The following KIAA0586 variants were observed in gnomAD, a reference collection of about 807,000 sequenced individuals.
KIAA0586 encodes KIAA0586.
A neutral mutation model predicts 169.8 loss-of-function variants in KIAA0586; 144 were observed. The ratio of observed to expected loss-of-function variants is 0.85; its 90% confidence interval spans 0.74 to 0.97. The LOEUF (loss-of-function observed/expected upper bound fraction) is 0.97. Among genes scored for constraint, KIAA0586 ranks in the 50% least tolerant of loss-of-function variants. The pLI is 0.00. For missense variants in KIAA0586, 1,854 were observed against 1,823.0 expected (o/e 1.02, Z -0.31); for synonymous variants, 625 against 612.4 (o/e 1.02, Z -0.30).
intron 9 of KIAA0586, among the ~76,000 whole-genome samples, chr14:58,454,048 A>G (rs1441235006): frequency 2.6e-5 from 4 of 152,196 alleles, no homozygotes; most frequent in African/African-American, 9.6e-5. Flanking sequence ...ATTACTGATA[A>G]GGTAGGATTT....
At position 58,430,663 on chromosome 14, in the gene KIAA0586, G is replaced by A. The variant is rs189943424; in HGVS notation, c.286G>A (p.Val96Ile). The A allele has an allele frequency of 5.0e-6, 8 of 1,597,940 alleles. No homozygotes were observed. In the East Asian group the frequency reaches 6.7e-5, roughly 13 times the overall value. The change falls in exon 3 of 31, where the codon GTT (valine) becomes ATT (isoleucine). Residue 96 changes from valine (V) to isoleucine (I), a missense_variant. Val to Ile is a conservative substitution (Grantham distance 29, BLOSUM62 3). Transcript: ENST00000652326. ...MVSESDFSKDVAVQVLPLDKI... is the reference protein window; with the variant it reads ...MVSESDFSKDIAVQVLPLDKI... ...TATCCCAAAGGATTTTTCTAAAGAC[G>A]TTGCAGTGCAAGTGTTGCCTTTGGA...
At chr14:58,457,723 G>A (rs2039988592) in intron 10 of KIAA0586, 36 bp from the exon 11 acceptor site, 1 of 1,336,552 alleles carries the variant, frequency 7.5e-7, no homozygotes, top group African/African-American at 1.5e-5. Context: ...GAATCGTTGT[G>A]AGTTTAGTAA....
At chr14:58,501,772 C>G (rs1252970227) in intron 27 of KIAA0586, among the ~76,000 whole-genome samples, 1 of 152,076 alleles carries the variant, frequency 6.6e-6, no homozygotes, top group African/African-American at 2.4e-5. Flanking sequence ...TTCCTGAACC[C>G]AAATTTCTTT....
chr14:58,440,877 G>C (rs919553854), intron 4 of KIAA0586: 3 of 152,594 alleles, frequency 2.0e-5, no homozygotes, highest in Non-Finnish European at 4.4e-5. Flanking sequence ...AGGTCAAAAG[G>C]TATAATTTCT....
chr14:58,519,364 A>G (rs376484998), intron 29 of KIAA0586, among the ~76,000 whole-genome samples: 3 of 152,066 alleles, frequency 2.0e-5, no homozygotes, highest in East Asian at 1.9e-4. Context: ...CCCAGCTTCC[A>G]TGTAGCTAGG....
At chr14:58,491,780 G>A (rs1402494641) in intron 25 of KIAA0586, among the ~76,000 whole-genome samples, 2 of 152,220 alleles carry the variant, frequency 1.3e-5, no homozygotes, top group South Asian at 2.1e-4. Flanking sequence ...CCACACTGTG[G>A]CATTACTTTA....
rs538248668 is a variant in KIAA0586 at position 58,487,027 on chromosome 14, G to A, written c.3165G>A (p.Leu1055=). The A allele has an allele frequency of 3.1e-4, 496 of 1,610,794 alleles. 1 individual carries two copies. The African/African-American group carries it at 5.2e-3, about 17-fold the overall frequency. ...TYLPARVCTP[L]PTPQPTPPCS... is the part of the protein sequence containing the mutation. The stretch of plus-strand genomic sequence containing the variant: ...TTTAGGCAAGAGTGTGCACCCCACT[G>A]CCTACCCCACAGCCTACGCCTCCTT... Residue 1055 remains leucine, a synonymous_variant, in exon 22 of 31, where the codon CTG becomes CTA. Transcript: ENST00000652326.
intron 26 of KIAA0586, 54 bp from the exon 27 acceptor site, chr14:58,498,724 TTCCTG>T: frequency 6.9e-7 from 1 of 1,457,192 alleles, no homozygotes; most frequent in Non-Finnish European, 9.2e-7. Context: ...TGGCAAAGAT[TTCCTG>T]TTTTGACTTG....
At chr14:58,543,199 A>G (rs910450548) in intron 30 of KIAA0586, among the ~76,000 whole-genome samples, 2 of 151,630 alleles carry the variant, frequency 1.3e-5, no homozygotes, top group Non-Finnish European at 2.9e-5. Context: ...TAGTTGAGAA[A>G]ACTGGGGTTC....
intron 24 of KIAA0586, among the ~76,000 whole-genome samples, chr14:58,489,434 G>A (rs1336121196): frequency 6.6e-6 from 1 of 151,784 alleles, no homozygotes; most frequent in Non-Finnish European, 1.5e-5. Flanking sequence ...TGCCCAGGTT[G>A]GTCTCAGACT....
At chr14:58,499,771 C>G (rs947098158) in intron 27 of KIAA0586, among the ~76,000 whole-genome samples, 1 of 151,400 alleles carries the variant, frequency 6.6e-6, no homozygotes, top group African/African-American at 2.4e-5. Context: ...GTTGGCCAGG[C>G]TGGTCTCGAA....
intron 19 of KIAA0586, 109 bp from the exon 20 acceptor site, chr14:58,477,014 T>A (rs576442457): frequency 5.1e-6 from 3 of 583,920 alleles, no homozygotes; most frequent in East Asian, 2.8e-5. Context: ...CACACCAACA[T>A]GTTTGTGGCA....
Position 58,429,353 on chromosome 14 carries a change from G to A in KIAA0586, c.200-10G>A, listed in dbSNP as rs2037171293. 1.3e-6 allele frequency: 2 copies of A among 1,533,610 alleles called. No homozygotes were observed. Among genetic ancestry groups the A allele is most frequent in the Non-Finnish European group, 1.8e-6 (2 of 1,107,214 alleles). ...TAAAATCACTAAAATCTATTCCTTT[G>A]TTTTGTTAGGTTCATCAGACTTAAC... On this transcript the variant is annotated splice_polypyrimidine_tract_variant and intron_variant, in intron 1 of 30. Transcript: ENST00000652326.
intron 29 of KIAA0586, among the ~76,000 whole-genome samples, chr14:58,533,496 T>C (rs761584923): frequency 2.0e-5 from 3 of 152,224 alleles, no homozygotes; most frequent in Non-Finnish European, 4.4e-5. Flanking sequence ...GTGACTGTTA[T>C]TGTCTTCTGT....
At position 58,466,045 on chromosome 14, in the gene KIAA0586, A is replaced by G. The variant is rs1326280504; in HGVS notation, c.2254+16A>G. ...ATTCTTTTAGGTAAGAATCAACAAA[A>G]TATGTGGGATGGATTTTATTTTATT... is the stretch of plus-strand genomic sequence containing the variant. On this transcript the variant is annotated intron_variant, in intron 15 of 30. Coordinates refer to ENST00000652326, the MANE Select transcript of KIAA0586 (RefSeq NM_001329943.3). 6.7e-7 allele frequency: 1 copy of G among 1,503,270 alleles called. No individual in the cohort carries two copies. Among genetic ancestry groups the G allele is most frequent in the Non-Finnish European group, 9.1e-7 (1 of 1,093,530 alleles). The allele number at this position is 1,503,270 out of a possible 1,614,324, so 93.1% of individuals were successfully genotyped here.
In KIAA0586 at chr14:58,508,581, A is replaced by G. The variant is rs1468103301; in HGVS notation, c.4195A>G (p.Ser1399Gly). The G allele has an allele frequency of 1.3e-6, 2 of 1,595,398 alleles. No homozygotes were observed. The highest frequency in any genetic ancestry group is 8.5e-7 in the Non-Finnish European group (1 of 1,169,996). Residue 1399 changes from serine to glycine, a missense_variant, in exon 28 of 31, where the codon AGT (serine) becomes GGT (glycine). Coordinates refer to ENST00000652326, the MANE Select transcript of KIAA0586 (RefSeq NM_001329943.3). ...TAGTATTTATGAAGATTCATGTGCT[A>G]GTCATGGTCCAATGAGTTTGGGAGA... ...SGSIYEDSCA[S>G]HGPMSLGELE...
intron 24 of KIAA0586, among the ~76,000 whole-genome samples, chr14:58,489,896 G>T (rs190675806): frequency 6.6e-6 from 1 of 151,746 alleles, no homozygotes; most frequent in Non-Finnish European, 1.5e-5. Context: ...GAGAATACCC[G>T]TTTCTCAATT....
At chr14:58,493,852 A>G (rs1241639662) in intron 26 of KIAA0586, among the ~76,000 whole-genome samples, 1 of 151,958 alleles carries the variant, frequency 6.6e-6, no homozygotes, top group African/African-American at 2.4e-5. Context: ...GAGAGAGAGA[A>G]AGCGCATGTG....
chr14:58,495,038 T>C (rs2043072277), intron 26 of KIAA0586, among the ~76,000 whole-genome samples: 1 of 152,152 alleles, frequency 6.6e-6, no homozygotes, highest in Non-Finnish European at 1.5e-5. Flanking sequence ...TTGAGTTAAC[T>C]GTCTGTCTTT....
Sources: gnomAD v4.1 joint callset for allele counts (sites outside exome capture counted in the v4.1 genomes callset) on GRCh38, gnomAD v4.1.1 for gene constraint, MANE v1.5 for transcripts, NCBI Gene and HGNC (gene_info 2026-07-23, HGNC 2026-07-21) for gene names.